Variants in PLA2R1 observed in about 807,000 individuals in gnomAD.
The protein encoded by PLA2R1 is secretory phospholipase A2 receptor.
A neutral mutation model predicts 195.9 loss-of-function variants in PLA2R1; 158 were observed. That is an observed-to-expected ratio of 0.81 (90% CI 0.71 to 0.92). The LOEUF is 0.92. PLA2R1 is among the 40% of genes least tolerant of loss of function. The pLI is 0.00. For missense variants in PLA2R1, 1,626 were observed against 1,764.6 expected, an observed-to-expected ratio of 0.92 and a Z score of 1.41; for synonymous variants, 586 against 598.2, an observed-to-expected ratio of 0.98 and a Z score of 0.30.
At chr2:160,062,264 C>A in intron 1 of PLA2R1, 31 bp downstream of exon 1, 19 of 1,213,634 alleles carry the variant, frequency 1.6e-5, no homozygotes, top group Non-Finnish European at 1.9e-5. Flanking sequence ...CCCCAACGTA[C>A]CGATCCAGTC....
downstream of PLA2R1, among the ~76,000 whole-genome samples, chr2:159,928,908 A>G (rs1455865688): frequency 1.3e-5 from 2 of 152,154 alleles, no homozygotes; most frequent in East Asian, 1.9e-4. Flanking sequence ...GGGAAAGGAC[A>G]CTCCACTCAA....
At chr2:159,949,232 C>T (rs539295619) in intron 25 of PLA2R1, among the ~76,000 whole-genome samples, 4 of 152,052 alleles carry the variant, frequency 2.6e-5, no homozygotes, top group East Asian at 1.9e-4. Context: ...CTTTGTCTTA[C>T]GTAAGCCTCG....
rs375659677 is a variant in PLA2R1 at position 160,062,247 on chromosome 2, C to T, written c.109+48G>A. 7.6e-5 allele frequency: 93 copies of T among 1,226,952 alleles called. No homozygotes were observed. In the African/African-American group the frequency reaches 1.5e-3, roughly 19 times the overall value. The allele number at this position is 1,226,952 out of a possible 1,614,324, so 76.0% of individuals were successfully genotyped here. A position where few individuals can be genotyped will look rare whatever the true frequency, so the allele number is the denominator to read the frequency against. On this transcript the variant is annotated intron_variant, in intron 1 of 29. Transcript: ENST00000283243. ...TCTTCCTCTCCTTCGACCACCCCGA[C>T]CCCCCTCCCCAACGTACCGATCCAG...
chr2:160,034,759 C>T (rs914072794), intron 3 of PLA2R1, among the ~76,000 whole-genome samples: 1 of 152,006 alleles, frequency 6.6e-6, no homozygotes, highest in Admixed American at 6.6e-5. Flanking sequence ...AAAGCAAGAC[C>T]CTATCACTAC....
At chr2:160,022,268 T>C (rs1342085519) in intron 7 of PLA2R1, among the ~76,000 whole-genome samples, 2 of 152,052 alleles carry the variant, frequency 1.3e-5, no homozygotes, top group East Asian at 1.9e-4. Flanking sequence ...CCATGTTCAC[T>C]GGCTAAAATT....
chr2:159,924,281 T>C, the PLA2R1 span, among the ~76,000 whole-genome samples: 1 of 152,256 alleles, frequency 6.6e-6, no homozygotes, highest in East Asian at 1.9e-4. Context: ...TTTCCTCATC[T>C]CAACATCCTT....
intron 13 of PLA2R1, among the ~76,000 whole-genome samples, chr2:159,981,154 C>T (rs1156757418): frequency 9.2e-5 from 14 of 151,770 alleles, no homozygotes; most frequent in Non-Finnish European, 1.3e-4. Context: ...ATGGTATTTA[C>T]TTTCTCTTCA....
chr2:159,976,312 T>C, intron 16 of PLA2R1, 87 bp from the exon 17 acceptor site: 1 of 798,174 alleles, frequency 1.3e-6, no homozygotes, highest in Non-Finnish European at 2.0e-6. Context: ...TCACTCAACA[T>C]TAAAAATAAT....
intron 1 of PLA2R1, among the ~76,000 whole-genome samples, chr2:160,053,527 G>C (rs1047928442): frequency 6.6e-6 from 1 of 152,118 alleles, no homozygotes; most frequent in Non-Finnish European, 1.5e-5. Context: ...GAGCTATAAC[G>C]TGCTTAGAAT....
At chr2:159,989,031 T>G (rs1690561437) in intron 11 of PLA2R1, among the ~76,000 whole-genome samples, 1 of 152,100 alleles carries the variant, frequency 6.6e-6, no homozygotes, top group South Asian at 2.1e-4. Flanking sequence ...CTGTGATGAA[T>G]CAGAGACCCT....
At chr2:159,999,186 C>G (rs2105368244) in intron 11 of PLA2R1, among the ~76,000 whole-genome samples, 1 of 152,208 alleles carries the variant, frequency 6.6e-6, no homozygotes, top group South Asian at 2.1e-4. Context: ...TTCCCAGCCT[C>G]TAGAACTGTG....
intron 20 of PLA2R1, among the ~76,000 whole-genome samples, chr2:159,963,341 T>C (rs1473577996): frequency 6.6e-6 from 1 of 152,184 alleles, no homozygotes; most frequent in African/African-American, 2.4e-5. Context: ...CAGTGAATTC[T>C]TAAGTATGAT....
At position 159,955,181 on chromosome 2, in the gene PLA2R1, A is replaced by T. The variant is rs769309011; in HGVS notation, c.3301+18T>A. On this transcript the variant is annotated intron_variant, in intron 23 of 29. Transcript: ENST00000283243. ...GGACTTTGGAAATGAAAGGAATAAA[A>T]ACCCAAATATTTCTTACCTTGCATT... The T allele has an allele frequency of 2.6e-5, 42 of 1,592,810 alleles. No individual in the cohort carries two copies. Among genetic ancestry groups the T allele is most frequent in the Non-Finnish European group, 3.6e-5 (42 of 1,167,270 alleles).
chr2:159,974,680 G>C (rs1173413639), intron 17 of PLA2R1, among the ~76,000 whole-genome samples: 2 of 152,118 alleles, frequency 1.3e-5, no homozygotes, highest in African/African-American at 4.8e-5. Flanking sequence ...GAGTGGAAGG[G>C]TGACAAAATA....
chr2:159,929,424 G>A (rs532372053), downstream of PLA2R1, among the ~76,000 whole-genome samples: 21 of 152,202 alleles, frequency 1.4e-4, no homozygotes, highest in South Asian at 4.1e-3. Context: ...ATGATCAGGG[G>A]AAATGCAAAT....
At chr2:160,037,348 A>G (rs567047256) in intron 3 of PLA2R1, among the ~76,000 whole-genome samples, 1 of 152,046 alleles carries the variant, frequency 6.6e-6, no homozygotes, top group Non-Finnish European at 1.5e-5. Context: ...ACACTCATGG[A>G]CTCTGTCTGC....
In PLA2R1 at chr2:159,936,371, A is replaced by G. The variant is rs568640430; in HGVS notation, c.*5407T>C. 3 of 152,236 alleles carry G rather than the reference A, an allele frequency of 2.0e-5. No homozygotes were observed. Among genetic ancestry groups the G allele is most frequent in the Non-Finnish European group, 4.4e-5 (3 of 68,040 alleles). 9.4% of individuals were successfully genotyped at this position (152,236 alleles called of 1,614,324 possible). A position where few individuals can be genotyped will look rare whatever the true frequency, so the allele number is the denominator to read the frequency against. On this transcript the variant is annotated 3_prime_UTR_variant, in exon 30 of 30. Coordinates refer to ENST00000283243, the MANE Select transcript of PLA2R1 (RefSeq NM_007366.5). ...TACAATTGATCAGAACAAAATAAAT[A>G]TGTTACAAAGATTAAGATAGTATAT...
At chr2:159,949,417 C>A (rs1489353454) in intron 25 of PLA2R1, among the ~76,000 whole-genome samples, 191 bp downstream of exon 25, 1 of 152,160 alleles carries the variant, frequency 6.6e-6, no homozygotes, top group Non-Finnish European at 1.5e-5. Context: ...TTCTTGATAA[C>A]CCCCATAACA....
intron 20 of PLA2R1, 105 bp downstream of exon 20, chr2:159,967,434 A>G (rs1222323587): frequency 2.2e-6 from 2 of 909,782 alleles, no homozygotes; most frequent in East Asian, 5.1e-5. Context: ...TCCAGGTCCT[A>G]TGGACAACTC....
Sources: allele counts gnomAD v4.1 joint callset (sites outside exome capture counted in the v4.1 genomes callset), GRCh38; gene constraint gnomAD v4.1.1; transcripts MANE v1.5; gene names NCBI Gene and HGNC (gene_info 2026-07-23, HGNC 2026-07-21).